The following PTGR1 variants were observed in gnomAD, a reference collection of about 807,000 sequenced individuals.
The protein encoded by PTGR1 is prostaglandin reductase 1.
Under a neutral mutation model 37.7 loss-of-function variants are expected in PTGR1, and 23 were observed. The observed-to-expected ratio is 0.61, with a 90% CI of 0.44 to 0.86. The LOEUF (loss-of-function observed/expected upper bound fraction) is 0.86, where lower values mean the gene tolerates loss of function less well. PTGR1 is among the 40% of genes least tolerant of loss of function. The probability of loss-of-function intolerance (pLI) is 0.00; values close to 1 mark genes in which losing one functional copy is unlikely to be tolerated. For synonymous variants in PTGR1, 134 were observed against 140.0 expected (o/e 0.96, Z 0.30); for missense variants, 351 against 394.3 (o/e 0.89, Z 0.93).
chr9:111,585,878 A>T, intron 5 of PTGR1, 120 bp downstream of exon 5: 1 of 1,153,566 alleles, frequency 8.7e-7, no homozygotes, highest in Admixed American at 2.3e-5. Context: ...CTCTTCTCTG[A>T]TCAGCCCCTG....
intron 8 of PTGR1, among the ~76,000 whole-genome samples, chr9:111,572,756 CAAAAAAAAA>C (rs58101079): frequency 9.4e-5 from 6 of 63,508 alleles, no homozygotes; most frequent in African/African-American, 3.8e-4. Flanking sequence ...GACCCTGTCT[CAAAAAAAAA>C]AAAAAAAAAA....
At chr9:111,572,756 C>CAAAAAAAAAAA (rs58101079) in intron 8 of PTGR1, among the ~76,000 whole-genome samples, 2 of 63,498 alleles carry the variant, frequency 3.1e-5, no homozygotes, top group Admixed American at 2.0e-4. Flanking sequence ...GACCCTGTCT[C>CAAAAAAAAAAA]AAAAAAAAAA....
chr9:111,563,317 G>A, intron 9 of PTGR1, 86 bp from the exon 10 acceptor site: 1 of 1,298,624 alleles, frequency 7.7e-7, no homozygotes, highest in African/African-American at 1.5e-5. Context: ...AATTTATCAG[G>A]TACATCATTG....
chr9:111,563,509 CTTTT>C (rs769286166), intron 9 of PTGR1: 10 of 183,186 alleles, frequency 5.5e-5, no homozygotes, highest in East Asian at 2.6e-4. Context: ...CTTTTTCTTT[CTTTT>C]TTTTTTTTTT....
At chr9:111,569,419 A>G (rs1206473507) in intron 9 of PTGR1, among the ~76,000 whole-genome samples, 1 of 152,224 alleles carries the variant, frequency 6.6e-6, no homozygotes, top group African/African-American at 2.4e-5. Context: ...TATTTCCCAT[A>G]GCCAAGTGAG....
chr9:111,558,542 A>G (rs1432649135), downstream of PTGR1, among the ~76,000 whole-genome samples: 1 of 152,186 alleles, frequency 6.6e-6, no homozygotes, highest in African/African-American at 2.4e-5. Context: ...TTGCAAGCTC[A>G]TCTTGTATCT....
At position 111,570,131 on chromosome 9, in the gene PTGR1, C is replaced by A. The variant is rs770310571; in HGVS notation, c.839G>T (p.Arg280Leu). 2 of 1,614,036 alleles carry A rather than the reference C, an allele frequency of 1.2e-6. No individual in the cohort carries two copies. The highest frequency in any genetic ancestry group is 1.1e-5 in the South Asian group (1 of 91,080). ...FVVYRWQGDA[R>L]QKALKDLLKW... ...CAGCAAGTCCTTCAGAGCTTTTTGGCGGGCATCTCCTTGCCAGCGGTAGAC... is the reference window on the plus strand; with the variant it reads ...CAGCAAGTCCTTCAGAGCTTTTTGGAGGGCATCTCCTTGCCAGCGGTAGAC... The change falls in exon 9 of 10, where the codon CGC (arginine) becomes CTC (leucine). Residue 280 changes from arginine to leucine, a missense_variant. Coordinates refer to ENST00000407693, the MANE Select transcript of PTGR1 (RefSeq NM_001146108.2).
chr9:111,595,153 C>G (rs1829740746), intron 2 of PTGR1, among the ~76,000 whole-genome samples: 1 of 152,060 alleles, frequency 6.6e-6, no homozygotes, highest in Non-Finnish European at 1.5e-5. Flanking sequence ...CCATGCCCAG[C>G]CTGTTTTTGG....
rs371446394 is a variant in PTGR1, at chr9:111,576,393, G to A, written c.652-1551C>T. Reference sequence around the variant, plus strand: ...TACATGGAGCAGTAAAAAAGATGCAGATGTTCTCTGAGGCTGAATAAGACC... The same window carrying A: ...TACATGGAGCAGTAAAAAAGATGCAAATGTTCTCTGAGGCTGAATAAGACC... On this transcript the variant is annotated intron_variant, in intron 7 of 9. Transcript: ENST00000407693. 6 of 1,614,030 alleles carry A rather than the reference G, an allele frequency of 3.7e-6. No homozygotes were observed. In the African/African-American group the frequency reaches 5.3e-5, roughly 14 times the overall value.
At position 111,588,604 on chromosome 9, in the gene PTGR1, C is replaced by CT. The variant is rs569796755; in HGVS notation, c.210-2440_210-2439insA. ...CCAATGGCGAGATCTCAGCTCACTG[C>CT]AACCTCCGCCTCCCAGGTTCAAGCA... is the stretch of plus-strand genomic sequence containing the variant. On this transcript the variant is annotated intron_variant, in intron 4 of 9. Transcript: ENST00000407693. 2.3e-3 allele frequency among the ~76,000 whole-genome samples: 353 copies of CT among 151,988 alleles called. 1 individual carries two copies. The highest frequency in any genetic ancestry group is 8.4e-3 in the African/African-American group (347 of 41,460).
At chr9:111,550,196 A>G (rs1442464659) in intron 9 of PTGR1, among the ~76,000 whole-genome samples, 1 of 152,128 alleles carries the variant, frequency 6.6e-6, no homozygotes, top group South Asian at 2.1e-4. Flanking sequence ...GGCGGGAGCA[A>G]TGGCTTTCTG....
downstream of PTGR1, among the ~76,000 whole-genome samples, chr9:111,561,170 AG>A (rs1589289334): frequency 8.5e-5 from 12 of 140,570 alleles, 1 homozygote; most frequent in East Asian, 1.9e-3. Flanking sequence ...AGAGAGAGAG[AG>A]AGAGAGAAAG....
intron 9 of PTGR1, among the ~76,000 whole-genome samples, chr9:111,557,420 C>G (rs1016180534): frequency 6.8e-6 from 1 of 147,368 alleles, no homozygotes; most frequent in Admixed American, 6.8e-5. Context: ...GGTACCATGC[C>G]GTTGAACAGG....
chr9:111,561,851 T>C (rs1036383933), downstream of PTGR1, among the ~76,000 whole-genome samples: 1 of 152,194 alleles, frequency 6.6e-6, no homozygotes. Flanking sequence ...ACCTAATATA[T>C]GCCAGGCATT....
downstream of PTGR1, among the ~76,000 whole-genome samples, chr9:111,561,108 T>TAGAGAGAGAGAG (rs1468727296): frequency 2.6e-3 from 54 of 20,852 alleles, 6 homozygotes; most frequent in African/African-American, 3.9e-3. Context: ...TATATATATA[T>TAGAGAGAGAGAG]ATAGAGAGAG....
chr9:111,562,306 C>T (rs1480268779), downstream of PTGR1, among the ~76,000 whole-genome samples: 15 of 145,078 alleles, frequency 1.0e-4, no homozygotes, highest in Non-Finnish European at 1.5e-4. Flanking sequence ...GATAGAGTCT[C>T]GCTCTGTCAC....
Position 111,592,986 on chromosome 9 carries a change from CAAAAAAAAAA to C in PTGR1, c.153-14_153-5del, listed in dbSNP as rs58142522. On this transcript the variant is annotated splice_polypyrimidine_tract_variant and splice_region_variant and intron_variant, in intron 3 of 9. Coordinates refer to ENST00000407693, the MANE Select transcript of PTGR1 (RefSeq NM_001146108.2). ...CTTCAATCTTTTGGCTGCCACTCTG[CAAAAAAAAAA>C]AAAAAAAAAAAAAAAAAAAAATAGG... 819 of 959,566 alleles carry C rather than the reference CAAAAAAAAAA, an allele frequency of 8.5e-4. No homozygotes were observed. Among genetic ancestry groups the C allele is most frequent in the Middle Eastern group, 2.6e-3 (6 of 2,314 alleles). The allele number at this position is 959,566 out of a possible 1,614,324, so 59.4% of individuals were successfully genotyped here. A position where few individuals can be genotyped will look rare whatever the true frequency, so the allele number is the denominator to read the frequency against.
chr9:111,550,402 C>A (rs564912026), intron 9 of PTGR1, among the ~76,000 whole-genome samples: 18 of 152,188 alleles, frequency 1.2e-4, no homozygotes, highest in Non-Finnish European at 2.2e-4. Context: ...TTATTGTCCA[C>A]CCTGGCTGCA....
chr9:111,593,296 T>C (rs572722789), intron 3 of PTGR1, among the ~76,000 whole-genome samples: 15 of 152,226 alleles, frequency 9.9e-5, no homozygotes, highest in African/African-American at 3.6e-4. Flanking sequence ...ACTTTAAAAA[T>C]AGAACCCAGG....
Sources: gnomAD v4.1 joint callset for allele counts (sites outside exome capture counted in the v4.1 genomes callset) on GRCh38, gnomAD v4.1.1 for gene constraint, MANE v1.5 for transcripts, NCBI Gene and HGNC (gene_info 2026-07-23, HGNC 2026-07-21) for gene names.